The following ARHGAP8 variants were observed in gnomAD, a reference collection of about 807,000 sequenced individuals.
ARHGAP8 encodes Rho GTPase activating protein 8.
In ARHGAP8, 62 loss-of-function variants were observed where a neutral mutation model predicts 46.1. The ratio of observed to expected loss-of-function variants is 1.34; its 90% CI spans 1.10 to 1.66. ARHGAP8 has a LOEUF of 1.66. ARHGAP8 is among the 40% of genes most tolerant of loss of function. The pLI, the probability that ARHGAP8 is intolerant of heterozygous loss-of-function variation, is 0.00. For missense variants in ARHGAP8, 923 were observed against 568.4 expected, an observed-to-expected ratio of 1.62 and a Z score of -6.34; for synonymous variants, 375 against 243.1, an observed-to-expected ratio of 1.54 and a Z score of -5.05.
At chr22:44,809,731 G>A (rs944829967) in intron 4 of ARHGAP8, 3 of 155,000 alleles carry the variant, frequency 1.9e-5, no homozygotes, top group East Asian at 1.9e-4. Context: ...CTCGTAGACT[G>A]CGGCGATGGG....
At chr22:44,840,916 T>G (rs1931610143) in intron 7 of ARHGAP8, among the ~76,000 whole-genome samples, 1 of 152,168 alleles carries the variant, frequency 6.6e-6, no homozygotes, top group African/African-American at 2.4e-5. Flanking sequence ...GAGGTCTGGC[T>G]GGGAAGGGGC....
rs1240020145 is a variant in ARHGAP8, at chr22:44,768,274, C to T, written c.-72+15647C>T. Among the ~76,000 whole-genome samples, 11 of 151,712 alleles carry T rather than the reference C, an allele frequency of 7.3e-5. 1 individual carries two copies. The highest frequency in any genetic ancestry group is 6.6e-4 in the Admixed American group (10 of 15,228). On this transcript the variant is annotated intron_variant, in intron 1 of 11. Coordinates refer to ENST00000356099, the MANE Select transcript of ARHGAP8 (RefSeq NM_181335.3). ...CCTCCCAAAGTGCTGGGATTACAGG[C>T]GTGAGCCACCGCGTGCGGCCTCATT...
intron 3 of ARHGAP8, among the ~76,000 whole-genome samples, chr22:44,802,674 G>A (rs749546963): frequency 5.1e-4 from 77 of 152,276 alleles, no homozygotes; most frequent in Non-Finnish European, 8.7e-4. Context: ...CCAAGGTCAA[G>A]GCAGCGGCAG....
chr22:44,807,365 C>T (rs539432879), intron 3 of ARHGAP8, among the ~76,000 whole-genome samples: 2 of 152,250 alleles, frequency 1.3e-5, no homozygotes, highest in South Asian at 2.1e-4. Flanking sequence ...CAGGATGGAA[C>T]GTGGTCCATG....
At chr22:44,766,242 G>T (rs739174) in intron 1 of ARHGAP8, 135,854 of 152,872 alleles carry the variant, frequency 0.89, 60,477 homozygotes, top group South Asian at 0.94. Context: ...GGGGCGGGGC[G>T]GGCAGCAGGT....
intron 7 of ARHGAP8, among the ~76,000 whole-genome samples, chr22:44,842,151 G>C (rs1931693839): frequency 6.6e-6 from 1 of 152,186 alleles, no homozygotes; most frequent in Non-Finnish European, 1.5e-5. Flanking sequence ...ATGGTCAAGA[G>C]ATAGAGATCA....
At chr22:44,855,647 C>T (rs756862011) in intron 10 of ARHGAP8, among the ~76,000 whole-genome samples, 2 of 151,856 alleles carry the variant, frequency 1.3e-5, no homozygotes, top group Non-Finnish European at 2.9e-5. Flanking sequence ...TGTTTTTAAC[C>T]AAAGGTGTAC....
At chr22:44,857,696 C>A (rs1447078991) in intron 10 of ARHGAP8, among the ~76,000 whole-genome samples, 3 of 152,148 alleles carry the variant, frequency 2.0e-5, no homozygotes, top group South Asian at 4.1e-4. Flanking sequence ...AGGATGATCT[C>A]ATGGCCTGCT....
Position 44,849,052 on chromosome 22 carries a change from G to A in ARHGAP8, c.869G>A (p.Gly290Glu). ...TTCCAGGCCTACGAGCAGATTCTCG[G>A]GATCACCTGTGCGTAGCTGCCCTGG... ...LTFQAYEQIL[G>E]ITCVESSLRV... Residue 290 changes from glycine (G) to glutamate (E), a missense_variant, in exon 10 of 12, where the codon GGG becomes GAG. Transcript: ENST00000356099. 6.2e-7 allele frequency: 1 copy of A among 1,613,864 alleles called. No individual in the cohort carries two copies. Among genetic ancestry groups the A allele is most frequent in the East Asian group, 2.2e-5 (1 of 44,878 alleles).
At chr22:44,829,495 G>A (rs1441724618) in intron 7 of ARHGAP8, among the ~76,000 whole-genome samples, 3 of 152,140 alleles carry the variant, frequency 2.0e-5, no homozygotes. Context: ...GGCTTTAACT[G>A]TCACTTTGCC....
intron 3 of ARHGAP8, among the ~76,000 whole-genome samples, chr22:44,806,355 C>T (rs1250192983): frequency 6.6e-6 from 1 of 152,172 alleles, no homozygotes; most frequent in Non-Finnish European, 1.5e-5. Context: ...TGAAATCATG[C>T]ATGGTGTGAG....
At chr22:44,773,007 A>G (rs1307731535) in intron 1 of ARHGAP8, among the ~76,000 whole-genome samples, 3 of 151,900 alleles carry the variant, frequency 2.0e-5, no homozygotes, top group Non-Finnish European at 4.4e-5. Context: ...TGTAGATATG[A>G]GGTCTCATAT....
At position 44,859,824 on chromosome 22, in the gene ARHGAP8, T is replaced by G; in HGVS notation, c.971T>G (p.Phe324Cys). The G allele has an allele frequency of 6.2e-7, 1 of 1,613,780 alleles. No individual in the cohort carries two copies. Among genetic ancestry groups the G allele is most frequent in the South Asian group, 1.1e-5 (1 of 91,082 alleles). ...NYVVLRYLMGFLHAVSRESIF... is the reference protein window; with the variant it reads ...NYVVLRYLMGCLHAVSRESIF... ...GTCGTCCTCCGCTACCTCATGGGCT[T>G]CCTGCATGCGGTGAGTGGGGAAGGG... Residue 324 changes from phenylalanine (F) to cysteine (C), a missense_variant, in exon 11 of 12, where the codon TTC becomes TGC. By Grantham distance (205) the Phe-to-Cys change is radical (BLOSUM62 -2). Coordinates refer to ENST00000356099, the MANE Select transcript of ARHGAP8 (RefSeq NM_181335.3).
intron 1 of ARHGAP8, among the ~76,000 whole-genome samples, chr22:44,767,827 C>T (rs1208431100): frequency 2.7e-5 from 4 of 147,798 alleles, no homozygotes; most frequent in Admixed American, 1.4e-4. Flanking sequence ...GAGCCGAGAC[C>T]GAGCCACTGC....
At chr22:44,826,432 T>C (rs917975730) in intron 7 of ARHGAP8, among the ~76,000 whole-genome samples, 1 of 152,150 alleles carries the variant, frequency 6.6e-6, no homozygotes, top group Non-Finnish European at 1.5e-5. Context: ...CTACCTTTTT[T>C]TGGGGTGGCG....
chr22:44,852,779 G>A (rs976948338), intron 10 of ARHGAP8, among the ~76,000 whole-genome samples: 1 of 152,022 alleles, frequency 6.6e-6, no homozygotes, highest in African/African-American at 2.4e-5. Context: ...CATAAGTTCC[G>A]GGGATTTTTT....
intron 7 of ARHGAP8, 49 bp from the exon 8 acceptor site, chr22:44,845,220 A>G (rs2069923863): frequency 6.2e-7 from 1 of 1,610,700 alleles, no homozygotes; most frequent in Non-Finnish European, 8.5e-7. Flanking sequence ...CATTGTGATC[A>G]CCCATCAAGC....
intron 3 of ARHGAP8, among the ~76,000 whole-genome samples, chr22:44,808,046 A>T (rs1194706235): frequency 6.6e-6 from 1 of 152,172 alleles, no homozygotes; most frequent in African/African-American, 2.4e-5. Context: ...CACGGATTTG[A>T]TATGGATGTC....
rs556578238 is a variant in ARHGAP8 at position 44,815,515 on chromosome 22, C to T, written c.386+757C>T. Among the ~76,000 whole-genome samples, 55 of 152,176 alleles carry T rather than the reference C, an allele frequency of 3.6e-4. No homozygotes were observed. In the South Asian group the frequency reaches 0.011, roughly 29 times the overall value. On this transcript the variant is annotated intron_variant, in intron 5 of 11. Coordinates refer to ENST00000356099, the MANE Select transcript of ARHGAP8 (RefSeq NM_181335.3). The stretch of plus-strand genomic sequence containing the variant: ...ACTCTCCCAGGAGCTGAGAGGTTTC[C>T]ACCCAGGAGCAGGTCACCCATGGCC...
Sources: allele counts gnomAD v4.1 joint callset (sites outside exome capture counted in the v4.1 genomes callset), GRCh38; gene constraint gnomAD v4.1.1; transcripts MANE v1.5; gene names NCBI Gene and HGNC (gene_info 2026-07-23, HGNC 2026-07-21).